PPFIA2: variants seen among roughly 807,000 people sequenced by gnomAD.
PPFIA2 encodes the protein liprin-alpha-2.
A neutral mutation model predicts 175.5 loss-of-function variants in PPFIA2; 46 were observed. That is an observed-to-expected ratio of 0.26 (90% CI 0.21 to 0.34). The LOEUF (loss-of-function observed/expected upper bound fraction) is 0.34. Among genes scored for constraint, PPFIA2 ranks in the 10% least tolerant of loss-of-function variants. PPFIA2 has a pLI of 1.00. For synonymous variants in PPFIA2, 568 were observed against 511.4 expected (o/e 1.11, Z -1.49); for missense variants, 1,179 against 1,506.1 (o/e 0.78, Z 3.60).
chr12:81,537,113 C>T (rs2065513444), intron 4 of PPFIA2, among the ~76,000 whole-genome samples: 1 of 151,480 alleles, frequency 6.6e-6, no homozygotes, highest in Non-Finnish European at 1.5e-5. Flanking sequence ...TCCAATGAAG[C>T]ACTTAATTAT....
At chr12:81,751,645 T>G (rs940759933) in intron 3 of PPFIA2, among the ~76,000 whole-genome samples, 10 of 151,384 alleles carry the variant, frequency 6.6e-5, no homozygotes, top group Admixed American at 2.6e-4. Context: ...ACTTCTGAGC[T>G]CCAAAACATA....
rs183710034 is a variant in PPFIA2, at chr12:81,312,456, G to A, written c.2643-13074C>T. ...TGCATGACCACATTTTCCCAGCCTC[G>A]AGTACATCCCAGGAGGAAATCAAGA... On this transcript the variant is annotated intron_variant, in intron 22 of 32. Transcript: ENST00000549396. 483 of 409,780 alleles carry A rather than the reference G, an allele frequency of 1.2e-3. 1 individual carries two copies. The highest frequency in any genetic ancestry group is 3.0e-3 in the Admixed American group (76 of 25,174). The allele number at this position is 409,780 out of a possible 1,614,324, so 25.4% of individuals were successfully genotyped here.
At position 81,318,335 on chromosome 12, in the gene PPFIA2, C is replaced by T. The variant is rs149413772; in HGVS notation, c.2642+7442G>A. On this transcript the variant is annotated intron_variant, in intron 22 of 32. Coordinates refer to ENST00000549396, the MANE Select transcript of PPFIA2 (RefSeq NM_003625.5). ...AATTTTGACCCTGTTACTGCTATTACGGATATTGAAAAACATTAAATTATT... is the reference window on the plus strand; with the variant it reads ...AATTTTGACCCTGTTACTGCTATTATGGATATTGAAAAACATTAAATTATT... Among the ~76,000 whole-genome samples the T allele has an allele frequency of 1.1e-4, 16 of 151,772 alleles. No individual in the cohort carries two copies. In the East Asian group the frequency reaches 2.7e-3, roughly 26 times the overall value.
rs531057105 is a variant in PPFIA2 at position 81,498,453 on chromosome 12, C to A, written c.304-40587G>T. Among the ~76,000 whole-genome samples the A allele has an allele frequency of 2.6e-5, 4 of 152,224 alleles. No individual in the cohort carries two copies. The South Asian group carries it at 8.3e-4, about 32-fold the overall frequency. On this transcript the variant is annotated intron_variant, in intron 4 of 32. Transcript: ENST00000549396. The stretch of plus-strand genomic sequence containing the variant: ...GTTTGAAGAGTACTGGTCACATAAT[C>A]TGTAAAATGTCCCTCAGTTTGGATT...
chr12:81,271,017 T>C (rs2038934226), intron 28 of PPFIA2, among the ~76,000 whole-genome samples: 1 of 152,218 alleles, frequency 6.6e-6, no homozygotes, highest in Non-Finnish European at 1.5e-5. Context: ...TTGGTTAATA[T>C]TTGCATGTAT....
At chr12:81,287,738 G>A (rs1296803400) in intron 24 of PPFIA2, among the ~76,000 whole-genome samples, 3 of 151,798 alleles carry the variant, frequency 2.0e-5, no homozygotes, top group African/African-American at 4.8e-5. Context: ...ACATTGTGAC[G>A]GAGTAATTTA....
In PPFIA2 at chr12:81,754,166, C is replaced by T; in HGVS notation, c.56G>A (p.Gly19Glu). The change falls in exon 3 of 33, where the codon GGG (glycine) becomes GAG (glutamate). Residue 19 changes from glycine to glutamate, a missense_variant. Physicochemically the swap from Gly to Glu is moderately conservative, Grantham distance 98. Coordinates refer to ENST00000549396, the MANE Select transcript of PPFIA2 (RefSeq NM_003625.5). ...INEDTPMSQR[G>E]SQSSGSDSDS... ...TGAGTCCGAGCCACTGCTTTGGGAC[C>T]CCCTTTGGCTCATTGGGGTGTCCTC... 2 of 1,612,150 alleles carry T rather than the reference C, an allele frequency of 1.2e-6. No individual in the cohort carries two copies. Among genetic ancestry groups the T allele is most frequent in the Non-Finnish European group, 1.7e-6 (2 of 1,179,070 alleles).
At chr12:81,499,762 ATCAT>A (rs1288383385) in intron 4 of PPFIA2, among the ~76,000 whole-genome samples, 1 of 152,126 alleles carries the variant, frequency 6.6e-6, no homozygotes. Context: ...GGAAGAATAA[ATCAT>A]TCATACCACC....
At chr12:81,741,583 G>A (rs921272481) in intron 3 of PPFIA2, among the ~76,000 whole-genome samples, 2 of 151,460 alleles carry the variant, frequency 1.3e-5, no homozygotes, top group Non-Finnish European at 2.9e-5. Context: ...TTTGAAGGCA[G>A]CCCAACATAA....
intron 24 of PPFIA2, among the ~76,000 whole-genome samples, chr12:81,285,275 A>G (rs1593861551): frequency 1.3e-5 from 2 of 152,050 alleles, no homozygotes; most frequent in South Asian, 4.1e-4. Flanking sequence ...CAAGCACATC[A>G]ATGAAATTTA....
At chr12:81,450,212 C>T (rs975292710) in intron 5 of PPFIA2, among the ~76,000 whole-genome samples, 3 of 152,134 alleles carry the variant, frequency 2.0e-5, no homozygotes, top group African/African-American at 7.2e-5. Context: ...GAGGAATTGC[C>T]ACACTGTCTT....
chr12:81,513,927 C>T (rs2062091534), intron 4 of PPFIA2, among the ~76,000 whole-genome samples: 7 of 151,914 alleles, frequency 4.6e-5, no homozygotes, highest in Admixed American at 3.9e-4. Context: ...CCTCTCAGTG[C>T]CAGAATTAAA....
chr12:81,279,275 C>T (rs1230446018), intron 27 of PPFIA2: 1 of 152,032 alleles, frequency 6.6e-6, no homozygotes, highest in Non-Finnish European at 1.5e-5. Context: ...CCTGCTGATT[C>T]CTTGATCTTG....
intron 5 of PPFIA2, among the ~76,000 whole-genome samples, chr12:81,453,365 G>T (rs1056040867): frequency 7.9e-5 from 12 of 151,894 alleles, no homozygotes; most frequent in Non-Finnish European, 1.6e-4. Flanking sequence ...GACATTCACA[G>T]GCAATAACTA....
intron 22 of PPFIA2, among the ~76,000 whole-genome samples, chr12:81,322,444 A>G (rs1234474768): frequency 1.3e-5 from 2 of 152,138 alleles, no homozygotes; most frequent in African/African-American, 4.8e-5. Context: ...TAATATTAAT[A>G]CTGAAACTAA....
rs76215775 is a variant in PPFIA2, at chr12:81,331,505, T to G, written c.2549-5635A>C. ...TTTTTGTCACTGTGAAATTATTTTT[T>G]TATTAAGCCTATTATAGTAGGTCAA... On this transcript the variant is annotated intron_variant, in intron 21 of 32. Coordinates refer to ENST00000549396, the MANE Select transcript of PPFIA2 (RefSeq NM_003625.5). Among the ~76,000 whole-genome samples, 228 of 152,334 alleles carry G rather than the reference T, an allele frequency of 1.5e-3. 3 individuals carry two copies. In the East Asian group the frequency reaches 0.028, roughly 18 times the overall value.
intron 4 of PPFIA2, among the ~76,000 whole-genome samples, chr12:81,480,823 C>T (rs560279481): frequency 6.6e-6 from 1 of 152,260 alleles, no homozygotes; most frequent in African/African-American, 2.4e-5. Flanking sequence ...CCAGCCAGAG[C>T]TCAGCTGTAT....
chr12:81,259,669 T>C lies in PPFIA2; in HGVS notation c.*34-9A>G, dbSNP rs1317138917. 8 of 1,533,868 alleles carry C rather than the reference T, an allele frequency of 5.2e-6. No individual in the cohort carries two copies. Among genetic ancestry groups the C allele is most frequent in the South Asian group, 3.6e-5 (3 of 83,998 alleles). ...GACTGAAAAGACGCCATCTAAAATA[T>C]ACAATGGATAGCATTAGTTCACTGA... On this transcript the variant is annotated splice_polypyrimidine_tract_variant and intron_variant, in intron 32 of 32. Transcript: ENST00000549396.
intron 22 of PPFIA2, among the ~76,000 whole-genome samples, chr12:81,320,813 A>G (rs2053498025): frequency 6.6e-6 from 1 of 152,028 alleles, no homozygotes; most frequent in South Asian, 2.1e-4. Context: ...TAGAGAGGTG[A>G]ATTACTGTTG....
Sources: gnomAD v4.1 joint callset for allele counts (sites outside exome capture counted in the v4.1 genomes callset) on GRCh38, gnomAD v4.1.1 for gene constraint, MANE v1.5 for transcripts, NCBI Gene and HGNC (gene_info 2026-07-23, HGNC 2026-07-21) for gene names.